The following ENTREP1 variants were observed in gnomAD, a reference collection of about 807,000 sequenced individuals.
The protein encoded by ENTREP1 is Friedreich ataxia region gene X123.
chr9:69,342,253 G>C, the ENTREP1 span, among the ~76,000 whole-genome samples: 1 of 152,108 alleles, frequency 6.6e-6, no homozygotes, highest in Admixed American at 6.5e-5. Flanking sequence ...CTTTTATGTA[G>C]ATAAGAGAAT....
the ENTREP1 span, among the ~76,000 whole-genome samples, chr9:69,360,674 G>A: frequency 1.3e-5 from 2 of 151,922 alleles, no homozygotes; most frequent in East Asian, 3.9e-4. Flanking sequence ...GCTCTATCTG[G>A]ACTGGCTTCC....
At chr9:69,382,152 GC>G in the ENTREP1 span, 1 of 152,284 alleles carries the variant, frequency 6.6e-6, no homozygotes, top group East Asian at 1.9e-4. Flanking sequence ...TGGAAGGCTG[GC>G]CCTCTGGAGA....
At chr9:69,360,177 C>G in the ENTREP1 span, among the ~76,000 whole-genome samples, 2 of 152,092 alleles carry the variant, frequency 1.3e-5, no homozygotes, top group South Asian at 2.1e-4. Flanking sequence ...TTAGTTTTTC[C>G]ATTTGTCAAG....
At chr9:69,352,862 G>A in the ENTREP1 span, among the ~76,000 whole-genome samples, 76 of 152,332 alleles carry the variant, frequency 5.0e-4, 1 homozygote, top group Admixed American at 4.0e-3. Context: ...AAGGCTGGAT[G>A]TGGTGGCCCA....
the ENTREP1 span, chr9:69,329,707 G>A: frequency 2.0e-6 from 2 of 983,884 alleles, no homozygotes; most frequent in Non-Finnish European, 2.4e-6. Flanking sequence ...GAGGTGAGTG[G>A]CTAAGGGAGG....
At chr9:69,349,285 G>A in the ENTREP1 span, among the ~76,000 whole-genome samples, 1 of 151,870 alleles carries the variant, frequency 6.6e-6, no homozygotes, top group African/African-American at 2.4e-5. Flanking sequence ...ATTTCTCTTG[G>A]GTACATGTCT....
At chr9:69,383,101 A>G in the ENTREP1 span, 2 of 985,338 alleles carry the variant, frequency 2.0e-6, no homozygotes, top group East Asian at 1.1e-4. Flanking sequence ...CAGGACAAAA[A>G]CAAGAGTCAT....
the ENTREP1 span, among the ~76,000 whole-genome samples, chr9:69,326,616 T>C: frequency 6.6e-6 from 1 of 152,180 alleles, no homozygotes; most frequent in Non-Finnish European, 1.5e-5. Context: ...TTCCAAGGCA[T>C]CCAACCCCTT....
At chr9:69,366,653 G>C in the ENTREP1 span, among the ~76,000 whole-genome samples, 1 of 151,920 alleles carries the variant, frequency 6.6e-6, no homozygotes, top group Non-Finnish European at 1.5e-5. Context: ...TTTTCTTCTA[G>C]CAGTTTCCTA....
the ENTREP1 span, among the ~76,000 whole-genome samples, chr9:69,366,202 C>G: frequency 5.9e-5 from 9 of 152,012 alleles, no homozygotes; most frequent in African/African-American, 2.2e-4. Flanking sequence ...TACTTTTTGT[C>G]TTTTTGATAA....
chr9:69,334,269 G>T, the ENTREP1 span, among the ~76,000 whole-genome samples: 6 of 152,320 alleles, frequency 3.9e-5, no homozygotes, highest in Non-Finnish European at 7.4e-5. Flanking sequence ...GGATTGCAAG[G>T]TTAAAGTGCC....
chr9:69,325,163 G>GT, the ENTREP1 span: 4 of 1,039,160 alleles, frequency 3.8e-6, no homozygotes, highest in Non-Finnish European at 4.6e-6. Flanking sequence ...GCAGCAAGTG[G>GT]TTGGGCCGTG....
chr9:69,362,125 T>C, the ENTREP1 span, among the ~76,000 whole-genome samples: 1 of 152,134 alleles, frequency 6.6e-6, no homozygotes, highest in Non-Finnish European at 1.5e-5. Flanking sequence ...TATTTAAACC[T>C]GCACAGTGGG....
the ENTREP1 span, among the ~76,000 whole-genome samples, chr9:69,385,429 T>C: frequency 0.82 from 125,196 of 152,092 alleles, 51,628 homozygotes; most frequent in South Asian, 0.87. Flanking sequence ...GAACCAGGCT[T>C]ATCCTGAGAT....
chr9:69,382,383 G>A, the ENTREP1 span: 1 of 152,156 alleles, frequency 6.6e-6, no homozygotes, highest in Non-Finnish European at 1.5e-5. Context: ...ACTTTGCCAG[G>A]ACCCCTCCCC....
At chr9:69,367,728 A>AATATATATATATACACATATAT in the ENTREP1 span, among the ~76,000 whole-genome samples, 3 of 49,148 alleles carry the variant, frequency 6.1e-5, no homozygotes, top group African/African-American at 6.2e-5. Context: ...CATATATATA[A>AATATATATATATACACATATAT]AAATATATAT....
the ENTREP1 span, among the ~76,000 whole-genome samples, chr9:69,353,261 T>C: frequency 6.6e-6 from 1 of 152,372 alleles, no homozygotes; most frequent in South Asian, 2.1e-4. Flanking sequence ...TTGTACTGTC[T>C]ATTACTTCTG....
At chr9:69,386,361 G>T in the ENTREP1 span, 367 of 152,890 alleles carry the variant, frequency 2.4e-3, 1 homozygote, top group African/African-American at 8.1e-3. Context: ...TGTATGAGTA[G>T]ATGATTGAAT....
the ENTREP1 span, among the ~76,000 whole-genome samples, chr9:69,369,192 C>T: frequency 2.0e-5 from 3 of 152,062 alleles, no homozygotes; most frequent in South Asian, 2.1e-4. Context: ...AGTATTCCAT[C>T]GTGTATATGT....
Sources: gnomAD v4.1 joint callset for allele counts (sites outside exome capture counted in the v4.1 genomes callset) on GRCh38, gnomAD v4.1.1 for gene constraint, MANE v1.5 for transcripts, NCBI Gene and HGNC (gene_info 2026-07-23, HGNC 2026-07-21) for gene names.